Variants in CCDC141 observed in about 807,000 individuals in gnomAD.
CCDC141 encodes coiled-coil domain-containing protein 141.
CCDC141 carries 168 observed loss-of-function variants against 181.0 expected under a neutral mutation model. The ratio of observed to expected loss-of-function variants is 0.93; its 90% CI spans 0.82 to 1.05. The LOEUF (loss-of-function observed/expected upper bound fraction) is 1.05. Ranked by LOEUF, CCDC141 falls within the 50% of genes least tolerant of loss-of-function variation. The pLI is 0.00. For missense variants in CCDC141, 1,902 were observed against 1,788.5 expected (o/e 1.06, Z -1.14); for synonymous variants, 666 against 642.3 (o/e 1.04, Z -0.56).
chr2:178,903,764 TA>T (rs146735962), intron 8 of CCDC141, among the ~76,000 whole-genome samples: 24,020 of 149,100 alleles, frequency 0.16, 2,031 homozygotes, highest in African/African-American at 0.22. Context: ...AGTAATAATT[TA>T]AAAAAAAATT....
intron 21 of CCDC141, among the ~76,000 whole-genome samples, chr2:178,847,002 C>G (rs1331756985): frequency 6.6e-6 from 1 of 152,162 alleles, no homozygotes; most frequent in Non-Finnish European, 1.5e-5. Flanking sequence ...GACATTTGCT[C>G]TCTTCATACA....
At chr2:179,013,606 A>C (rs1437636505) in intron 2 of CCDC141, among the ~76,000 whole-genome samples, 1 of 152,162 alleles carries the variant, frequency 6.6e-6, no homozygotes, top group East Asian at 1.9e-4. Context: ...CAGAATTAGA[A>C]AAAACAATTC....
chr2:178,966,085 G>A (rs1359887279), intron 4 of CCDC141, among the ~76,000 whole-genome samples: 1 of 152,206 alleles, frequency 6.6e-6, no homozygotes, highest in Non-Finnish European at 1.5e-5. Flanking sequence ...TCTCTGGGCA[G>A]GGAATTTCTG....
intron 4 of CCDC141, among the ~76,000 whole-genome samples, chr2:178,968,106 A>G (rs1690718039): frequency 6.6e-6 from 1 of 152,160 alleles, no homozygotes; most frequent in Non-Finnish European, 1.5e-5. Context: ...AGAGACCTAC[A>G]AAGAGACTTA....
At chr2:178,965,040 G>A (rs1438468320) in intron 4 of CCDC141, among the ~76,000 whole-genome samples, 2 of 152,014 alleles carry the variant, frequency 1.3e-5, no homozygotes, top group African/African-American at 4.8e-5. Context: ...AATTTAAGAT[G>A]GTATAATAGG....
rs1055146626 is a variant in CCDC141 at position 178,949,070 on chromosome 2, C to A, written c.781-4419G>T. Reference sequence around the variant, plus strand: ...ATTTGATTAGGTAAGACATGCATTTCTTTGCATGTCTTGTTCATCACTGAA... The same window carrying A: ...ATTTGATTAGGTAAGACATGCATTTATTTGCATGTCTTGTTCATCACTGAA... On this transcript the variant is annotated intron_variant, in intron 5 of 23. Coordinates refer to ENST00000443758, the MANE Select transcript of CCDC141 (RefSeq NM_173648.4). Among the ~76,000 whole-genome samples, 5 of 152,214 alleles carry A rather than the reference C, an allele frequency of 3.3e-5. No individual in the cohort carries two copies. The South Asian group carries it at 8.3e-4, about 25-fold the overall frequency.
chr2:178,990,481 A>G (rs62179084), intron 2 of CCDC141, among the ~76,000 whole-genome samples: 24,535 of 150,654 alleles, frequency 0.16, 2,092 homozygotes, highest in Middle Eastern at 0.2. Context: ...CTATATCCAT[A>G]TGAAGGAGTA....
At chr2:178,886,317 T>C (rs1448715549) in intron 10 of CCDC141, among the ~76,000 whole-genome samples, 1 of 152,190 alleles carries the variant, frequency 6.6e-6, no homozygotes, top group Non-Finnish European at 1.5e-5. Flanking sequence ...CTCTGAATGT[T>C]AGGTAAGCAA....
Position 178,865,806 on chromosome 2 carries a change from A to G in CCDC141, c.2685T>C (p.Arg895=). 1 of 1,602,058 alleles carries G rather than the reference A, an allele frequency of 6.2e-7. No individual in the cohort carries two copies. Among genetic ancestry groups the G allele is most frequent in the South Asian group, 1.1e-5 (1 of 89,008 alleles). ...CTCTCATGGCGCAGTACTCCACACT[A>G]CGGGACAGGGTCCGTCCATACTCCT... ...KAEEYGRTLS[R]SVEYCAMRDE... is the part of the protein sequence containing the mutation. The change falls in exon 17 of 24, where the codon CGT becomes CGC. Residue 895 remains arginine (R), a synonymous_variant. Coordinates refer to ENST00000443758, the MANE Select transcript of CCDC141 (RefSeq NM_173648.4).
chr2:178,868,540 A>T (rs529304227), intron 15 of CCDC141, among the ~76,000 whole-genome samples: 1 of 151,592 alleles, frequency 6.6e-6, no homozygotes, highest in Admixed American at 6.6e-5. Flanking sequence ...AATAGAGACC[A>T]TAACTATGAA....
intron 1 of CCDC141, 104 bp downstream of exon 1, chr2:179,049,736 T>G: frequency 7.9e-7 from 1 of 1,260,902 alleles, no homozygotes; most frequent in South Asian, 1.4e-5. Context: ...CTGCGTTGTC[T>G]TCTCTATGCT....
At chr2:178,928,864 A>G (rs1689000378) in intron 6 of CCDC141, among the ~76,000 whole-genome samples, 1 of 152,222 alleles carries the variant, frequency 6.6e-6, no homozygotes, top group South Asian at 2.1e-4. Flanking sequence ...GGTTACCAAT[A>G]TGAAAACCCC....
At chr2:178,840,197 C>T (rs1684664885) in intron 22 of CCDC141, among the ~76,000 whole-genome samples, 1 of 152,188 alleles carries the variant, frequency 6.6e-6, no homozygotes, top group Non-Finnish European at 1.5e-5. Flanking sequence ...CAGACACTCT[C>T]AGGTCTTCTT....
At chr2:179,002,528 GA>G in intron 2 of CCDC141, 1 of 385,494 alleles carries the variant, frequency 2.6e-6, no homozygotes. Context: ...TATGTGGTAA[GA>G]AAGGCCTTTA....
At chr2:179,008,986 C>T (rs1292018650) in intron 2 of CCDC141, among the ~76,000 whole-genome samples, 2 of 152,148 alleles carry the variant, frequency 1.3e-5, no homozygotes, top group Non-Finnish European at 2.9e-5. Context: ...CTTGTCCATC[C>T]TATCTTTCTC....
intron 2 of CCDC141, among the ~76,000 whole-genome samples, chr2:179,016,898 A>C (rs1211479271): frequency 6.6e-6 from 1 of 152,004 alleles, no homozygotes; most frequent in East Asian, 1.9e-4. Context: ...ACGTATGCTG[A>C]AGTTTGGGTG....
At chr2:178,893,134 G>A (rs1687235125) in intron 8 of CCDC141, among the ~76,000 whole-genome samples, 1 of 152,004 alleles carries the variant, frequency 6.6e-6, no homozygotes, top group Non-Finnish European at 1.5e-5. Context: ...GCTTCTTCAG[G>A]CATTTGTTAG....
At chr2:178,925,261 T>A (rs557181923) in intron 6 of CCDC141, among the ~76,000 whole-genome samples, 1 of 152,356 alleles carries the variant, frequency 6.6e-6, no homozygotes, top group East Asian at 1.9e-4. Flanking sequence ...TCGTTTATTT[T>A]AGTTCATTCA....
chr2:178,838,754 C>T (rs1390528494), intron 22 of CCDC141, among the ~76,000 whole-genome samples: 1 of 152,178 alleles, frequency 6.6e-6, no homozygotes, highest in Non-Finnish European at 1.5e-5. Flanking sequence ...GCACCTGCCA[C>T]TTGTCTCTGC....
Sources: allele counts gnomAD v4.1 joint callset (sites outside exome capture counted in the v4.1 genomes callset), GRCh38; gene constraint gnomAD v4.1.1; transcripts MANE v1.5; gene names NCBI Gene and HGNC (gene_info 2026-07-23, HGNC 2026-07-21).